Variants in TENM4 observed in about 807,000 individuals in gnomAD.
TENM4 encodes the protein teneurin transmembrane protein 4, also known as teneurin-4.
In TENM4, 82 loss-of-function variants were observed where a neutral mutation model predicts 243.3. The observed-to-expected ratio is 0.34, with a 90% CI of 0.28 to 0.40. The LOEUF (loss-of-function observed/expected upper bound fraction) is 0.40, where lower values mean the gene tolerates loss of function less well. Among genes scored for constraint, TENM4 ranks in the 10% least tolerant of loss-of-function variants. The pLI, the probability that TENM4 is intolerant of heterozygous loss-of-function variation, is 1.00. For missense variants in TENM4, 3,138 were observed against 3,673.3 expected (o/e 0.85, Z 3.77); for synonymous variants, 1,412 against 1,456.3 (o/e 0.97, Z 0.69).
At chr11:78,789,306 C>T (rs1258173302) in intron 15 of TENM4, among the ~76,000 whole-genome samples, 2 of 152,264 alleles carry the variant, frequency 1.3e-5, no homozygotes, top group East Asian at 1.9e-4. Context: ...GACTGTCCCA[C>T]GTGAGGACAG....
At chr11:78,701,383 G>T in intron 28 of TENM4, 143 bp downstream of exon 28, 1 of 1,168,186 alleles carries the variant, frequency 8.6e-7, no homozygotes, top group East Asian at 2.6e-5. Flanking sequence ...AAATCATGTG[G>T]AATATGAACA....
chr11:78,676,989 C>G (rs1858494281), intron 29 of TENM4, among the ~76,000 whole-genome samples: 1 of 152,124 alleles, frequency 6.6e-6, no homozygotes, highest in African/African-American at 2.4e-5. Context: ...CAGGAGGGAA[C>G]GTGGAGCAGC....
At chr11:79,369,661 T>C (rs1188466447) in intron 1 of TENM4, among the ~76,000 whole-genome samples, 1 of 152,172 alleles carries the variant, frequency 6.6e-6, no homozygotes, top group East Asian at 1.9e-4. Flanking sequence ...CTCAGGCTCA[T>C]GTCACTCATC....
chr11:78,897,213 G>A (rs1291173295), intron 7 of TENM4, among the ~76,000 whole-genome samples: 1 of 152,246 alleles, frequency 6.6e-6, no homozygotes, highest in East Asian at 1.9e-4. Context: ...CTGTTGCTGG[G>A]GGAATGAAGT....
At chr11:78,660,111 A>C (rs1857993426) in intron 33 of TENM4, among the ~76,000 whole-genome samples, 1 of 152,072 alleles carries the variant, frequency 6.6e-6, no homozygotes. Flanking sequence ...GTGAGGGAGG[A>C]GGAGCTGTGC....
intron 20 of TENM4, among the ~76,000 whole-genome samples, chr11:78,734,687 C>T (rs918511706): frequency 7.9e-5 from 12 of 152,076 alleles, no homozygotes; most frequent in African/African-American, 2.4e-4. Flanking sequence ...CTTCACCTCC[C>T]CCACACAGCC....
chr11:78,872,814 T>A (rs1458395698), intron 9 of TENM4, among the ~76,000 whole-genome samples: 3 of 152,204 alleles, frequency 2.0e-5, no homozygotes, highest in Non-Finnish European at 4.4e-5. Flanking sequence ...TTCTTTGGTG[T>A]GCCAGCCATG....
chr11:79,216,069 T>C (rs1473568497), intron 2 of TENM4, among the ~76,000 whole-genome samples, 160 bp from the exon 3 acceptor site: 1 of 152,200 alleles, frequency 6.6e-6, no homozygotes, highest in Non-Finnish European at 1.5e-5. Context: ...AGTGGGGTCC[T>C]GGCACCCTGC....
At chr11:79,363,006 G>A (rs558146465) in intron 1 of TENM4, among the ~76,000 whole-genome samples, 3 of 152,224 alleles carry the variant, frequency 2.0e-5, no homozygotes, top group African/African-American at 4.8e-5. Flanking sequence ...TTAGTCTGAC[G>A]TGGATGACAA....
rs916226010 is a variant in TENM4, at chr11:78,903,315, G to A, written c.702C>T (p.His234=). The A allele has an allele frequency of 6.1e-6, 9 of 1,483,790 alleles. No individual in the cohort carries two copies. The Admixed American group carries it at 2.2e-4, about 36-fold the overall frequency. 91.9% of individuals were successfully genotyped at this position (1,483,790 alleles called of 1,614,324 possible). A position where few individuals can be genotyped will look rare whatever the true frequency, so the allele number is the denominator to read the frequency against. ...TGTTGAGCAGCCAGTTCTCCTGGGC[G>A]TGGGCAGGCTCCTGGGCGCCGCCGG... is the stretch of plus-strand genomic sequence containing the variant. The part of the protein sequence containing the change: ...PPAGGAQEPA[H]AQENWLLNSN... The change falls in exon 7 of 34, where the codon CAC becomes CAT. Residue 234 remains histidine (H), a synonymous_variant. Coordinates refer to ENST00000278550, the MANE Select transcript of TENM4 (RefSeq NM_001098816.3).
intron 2 of TENM4, among the ~76,000 whole-genome samples, chr11:79,284,821 T>C (rs1265730638): frequency 2.6e-5 from 4 of 152,108 alleles, no homozygotes; most frequent in Admixed American, 6.5e-5. Context: ...ATCCAGAATA[T>C]ATAAAGAACT....
chr11:79,003,548 C>T (rs1157630815), intron 6 of TENM4, among the ~76,000 whole-genome samples: 1 of 152,126 alleles, frequency 6.6e-6, no homozygotes, highest in African/African-American at 2.4e-5. Flanking sequence ...TCCAGCCAAA[C>T]TAAGCTTCAT....
intron 25 of TENM4, 94 bp downstream of exon 25, chr11:78,720,276 G>T: frequency 2.9e-6 from 4 of 1,403,250 alleles, no homozygotes; most frequent in Non-Finnish European, 3.0e-6. Flanking sequence ...GGATTCTTTT[G>T]CCATACAGCC....
intron 33 of TENM4, among the ~76,000 whole-genome samples, chr11:78,661,164 T>A (rs1290717317): frequency 6.6e-6 from 1 of 152,258 alleles, no homozygotes; most frequent in African/African-American, 2.4e-5. Context: ...TGTGCTTTTG[T>A]TCTGGATAGT....
At chr11:79,081,571 A>ATGTGTGTGTG (rs1221045261) in intron 4 of TENM4, among the ~76,000 whole-genome samples, 1 of 87,912 alleles carries the variant, frequency 1.1e-5, no homozygotes, top group Non-Finnish European at 2.6e-5. Context: ...GCATGCACAC[A>ATGTGTGTGTG]TGCTTAATGG....
intron 17 of TENM4, among the ~76,000 whole-genome samples, chr11:78,776,665 G>A (rs1333734562): frequency 6.6e-6 from 1 of 152,108 alleles, no homozygotes; most frequent in African/African-American, 2.4e-5. Flanking sequence ...AGCCAGATGA[G>A]GGCTTGGGTC....
intron 6 of TENM4, among the ~76,000 whole-genome samples, chr11:78,929,392 G>GGAAA (rs1305260238): frequency 1.3e-5 from 2 of 152,134 alleles, no homozygotes; most frequent in Non-Finnish European, 2.9e-5. Context: ...GGTGGGAGGG[G>GGAAA]GAAAGTTTAA....
Position 79,043,136 on chromosome 11 carries a change from TC to T in TENM4, c.493+21601del, listed in dbSNP as rs200707919. The stretch of plus-strand genomic sequence containing the variant: ...TCAGAGCTAACAGCACAATTCCTCT[TC>T]CCCCTCTCCAACACATTGTTGGATT... On this transcript the variant is annotated intron_variant, in intron 6 of 33. Transcript: ENST00000278550. Among the ~76,000 whole-genome samples the T allele has an allele frequency of 3.8e-3, 575 of 152,250 alleles. 8 individuals are homozygous for T. The highest frequency in any genetic ancestry group is 0.013 in the African/African-American group (540 of 41,542).
At chr11:78,713,099 G>A (rs1467043859) in intron 25 of TENM4, among the ~76,000 whole-genome samples, 2 of 152,124 alleles carry the variant, frequency 1.3e-5, no homozygotes, top group African/African-American at 4.8e-5. Context: ...TAGAAGGATG[G>A]ATGCTCTTGA....
Sources: gnomAD v4.1 joint callset for allele counts (sites outside exome capture counted in the v4.1 genomes callset) on GRCh38, gnomAD v4.1.1 for gene constraint, MANE v1.5 for transcripts, NCBI Gene and HGNC (gene_info 2026-07-23, HGNC 2026-07-21) for gene names.